DMD: variants seen among roughly 807,000 people sequenced by gnomAD.
DMD encodes mutant dystrophin.
In DMD, 63 loss-of-function variants were observed where a neutral mutation model predicts 330.1. The ratio of observed to expected loss-of-function variants is 0.19; its 90% CI spans 0.16 to 0.24. The LOEUF (loss-of-function observed/expected upper bound fraction) is 0.24, where lower values mean the gene tolerates loss of function less well. DMD is among the 10% of genes least tolerant of loss of function. The pLI is 1.00. For missense variants in DMD, 3,344 were observed against 2,684.1 expected, an observed-to-expected ratio of 1.25 and a Z score of -5.43; for synonymous variants, 1,223 against 959.8, an observed-to-expected ratio of 1.27 and a Z score of -5.07.
intron 50 of DMD, 90 bp from the exon 51 acceptor site, chrX:31,774,282 AG>A: frequency 1.6e-6 from 1 of 613,713 alleles, no homozygotes; most frequent in Admixed American, 3.1e-5. Flanking sequence ...AATAACAATA[AG>A]TCAAATTTAA....
intron 34 of DMD, among the ~76,000 whole-genome samples, chrX:32,374,935 T>A (rs907605472): frequency 7.1e-5 from 8 of 111,914 alleles, no homozygotes; most frequent in African/African-American, 2.6e-4. Context: ...TGCACAGTTT[T>A]CTTGTTTACA....
intron 1 of DMD, among the ~76,000 whole-genome samples, chrX:33,032,120 C>T (rs1323017948): frequency 8.9e-6 from 1 of 112,007 alleles, no homozygotes; most frequent in Non-Finnish European, 1.9e-5. Flanking sequence ...ACTGATGTGG[C>T]CTTGGTCATG....
chrX:31,990,837 C>G (rs1016348673), intron 44 of DMD, among the ~76,000 whole-genome samples: 1 of 111,468 alleles, frequency 9.0e-6, no homozygotes, highest in African/African-American at 3.3e-5. Flanking sequence ...GTTAACACTC[C>G]GTGAGGAAAC....
At chrX:31,831,627 C>G (rs1051499043) in intron 49 of DMD, among the ~76,000 whole-genome samples, 1 of 111,344 alleles carries the variant, frequency 9.0e-6, no homozygotes, top group Non-Finnish European at 1.9e-5. Flanking sequence ...GAGATGGAGT[C>G]TCACTCTGTC....
At chrX:31,405,915 G>T (rs750218406) in intron 60 of DMD, among the ~76,000 whole-genome samples, 29 of 111,748 alleles carry the variant, frequency 2.6e-4, no homozygotes, top group African/African-American at 9.4e-4. Flanking sequence ...AAACACAAGA[G>T]GGGAACAATG....
chrX:32,039,130 G>T (rs1250961464), intron 44 of DMD, among the ~76,000 whole-genome samples: 1 of 110,893 alleles, frequency 9.0e-6, no homozygotes, highest in Non-Finnish European at 1.9e-5. Context: ...AAAGGAGGGG[G>T]GGATATTTAT....
At chrX:32,896,263 G>A (rs1030489391) in intron 2 of DMD, among the ~76,000 whole-genome samples, 7 of 111,276 alleles carry the variant, frequency 6.3e-5, no homozygotes, top group African/African-American at 2.3e-4. Context: ...TACACCCCTA[G>A]GGTATAATAG....
intron 53 of DMD, 64 bp from the exon 54 acceptor site, chrX:31,658,208 G>T: frequency 8.9e-7 from 1 of 1,127,074 alleles, no homozygotes; most frequent in South Asian, 1.8e-5. Flanking sequence ...TAGTTGGAGT[G>T]TCTTAAAATA....
chrX:32,815,520 T>TATATATATACACACACACAC, intron 6 of DMD, among the ~76,000 whole-genome samples: 4 of 78,920 alleles, frequency 5.1e-5, no homozygotes, highest in African/African-American at 2.1e-4. Flanking sequence ...TATATATATA[T>TATATATATACACACACACAC]ACACACACAC....
At chrX:32,983,572 CACATAT>C (rs2092764481) in intron 2 of DMD, among the ~76,000 whole-genome samples, 1 of 71,094 alleles carries the variant, frequency 1.4e-5, no homozygotes, top group East Asian at 3.8e-4. Flanking sequence ...CACACACACA[CACATAT>C]AGGAACACCG....
At chrX:32,248,299 G>T (rs1277138011) in intron 43 of DMD, among the ~76,000 whole-genome samples, 1 of 111,047 alleles carries the variant, frequency 9.0e-6, no homozygotes, top group Non-Finnish European at 1.9e-5. Context: ...TGGTAGAGGA[G>T]ATTTACAAAA....
chrX:31,787,370 C>CTAAA (rs1477998091), intron 50 of DMD, among the ~76,000 whole-genome samples: 1 of 111,692 alleles, frequency 9.0e-6, no homozygotes, highest in Non-Finnish European at 1.9e-5. Context: ...GAATCATTCT[C>CTAAA]TAAATAAATA....
At chrX:31,598,025 C>A (rs982253792) in intron 55 of DMD, among the ~76,000 whole-genome samples, 2 of 111,035 alleles carry the variant, frequency 1.8e-5, no homozygotes, top group East Asian at 5.7e-4. Context: ...TTGACTGTTA[C>A]AAGCACTACA....
chrX:32,556,483 T>A (rs1407879690), intron 16 of DMD, among the ~76,000 whole-genome samples: 1 of 111,089 alleles, frequency 9.0e-6, no homozygotes, highest in African/African-American at 3.3e-5. Flanking sequence ...CAAATATAAA[T>A]CATTCTATTA....
At chrX:32,310,407 A>C (rs1437429748) in intron 41 of DMD, 131 bp from the exon 42 acceptor site, 1 of 522,013 alleles carries the variant, frequency 1.9e-6, no homozygotes, top group East Asian at 3.7e-5. Flanking sequence ...TGGATTCAAA[A>C]CCTCACGATG....
intron 2 of DMD, among the ~76,000 whole-genome samples, chrX:32,898,072 G>C: frequency 8.9e-6 from 1 of 111,998 alleles, no homozygotes; most frequent in Admixed American, 9.5e-5. Flanking sequence ...GAGCCTCCAC[G>C]TAAGTCTTTA....
chrX:32,930,340 G>A (rs1486846775), intron 2 of DMD, among the ~76,000 whole-genome samples: 1 of 110,158 alleles, frequency 9.1e-6, no homozygotes, highest in East Asian at 2.8e-4. Flanking sequence ...CTCTGTACTT[G>A]AAAGTAGTCA....
intron 7 of DMD, among the ~76,000 whole-genome samples, chrX:32,757,697 G>T (rs1169173496): frequency 8.9e-6 from 1 of 111,927 alleles, no homozygotes; most frequent in East Asian, 2.8e-4. Context: ...CACCATGATT[G>T]TGAGGCCTCC....
intron 45 of DMD, among the ~76,000 whole-genome samples, chrX:31,955,583 C>G (rs1456839363): frequency 1.8e-5 from 2 of 112,274 alleles, no homozygotes; most frequent in Admixed American, 9.4e-5. Flanking sequence ...TATAAAATCT[C>G]TATAACTGAG....
Sources: gnomAD v4.1 joint callset for allele counts (sites outside exome capture counted in the v4.1 genomes callset) on GRCh38, gnomAD v4.1.1 for gene constraint, MANE v1.5 for transcripts, NCBI Gene and HGNC (gene_info 2026-07-23, HGNC 2026-07-21) for gene names.